EHD1: variants seen among roughly 807,000 people sequenced by gnomAD.
EHD1 encodes the protein EH domain-containing protein 1.
In EHD1, 19 loss-of-function variants were observed where a neutral mutation model predicts 39.0. The ratio of observed to expected loss-of-function variants is 0.49; its 90% CI spans 0.34 to 0.72. The LOEUF is 0.72. EHD1 is among the 30% of genes least tolerant of loss of function. The pLI, the probability that EHD1 is intolerant of heterozygous loss-of-function variation, is 0.01. For missense variants in EHD1, 542 were observed against 751.5 expected, an observed-to-expected ratio of 0.72 and a Z score of 3.26; for synonymous variants, 323 against 331.2, an observed-to-expected ratio of 0.98 and a Z score of 0.27.
intron 2 of EHD1, among the ~76,000 whole-genome samples, chr11:64,869,986 G>T (rs1299526204): frequency 6.6e-6 from 1 of 152,228 alleles, no homozygotes; most frequent in African/African-American, 2.4e-5. Context: ...ACAGCTCCCA[G>T]GCTTAGAGGG....
In EHD1 at chr11:64,853,973, A is replaced by C; in HGVS notation, c.*360T>G. ...CAGCCTAGCAGCTGCCAAAAGGGCGACCTGGCTCCCCCACGGTCGCAGTCG... is the reference window on the plus strand; with the variant it reads ...CAGCCTAGCAGCTGCCAAAAGGGCGCCCTGGCTCCCCCACGGTCGCAGTCG... On this transcript the variant is annotated 3_prime_UTR_variant, in exon 5 of 5. Transcript: ENST00000320631. The C allele has an allele frequency of 3.4e-6, 1 of 291,366 alleles. No homozygotes were observed. Among genetic ancestry groups the C allele is most frequent in the Non-Finnish European group, 6.6e-6 (1 of 152,638 alleles). 18.0% of individuals were successfully genotyped at this position (291,366 alleles called of 1,614,324 possible).
At chr11:64,867,952 C>G (rs1401866535) in intron 2 of EHD1, among the ~76,000 whole-genome samples, 2 of 152,188 alleles carry the variant, frequency 1.3e-5, no homozygotes, top group Non-Finnish European at 2.9e-5. Context: ...GCCACTGCGG[C>G]TCTGGGGCGC....
chr11:64,859,001 T>C (rs1943684422), intron 3 of EHD1, among the ~76,000 whole-genome samples: 1 of 152,226 alleles, frequency 6.6e-6, no homozygotes, highest in Non-Finnish European at 1.5e-5. Context: ...CACGAGCTGC[T>C]TCCTGTCACA....
At position 64,878,063 on chromosome 11, in the gene EHD1, G is replaced by C. The variant is rs1565726549; in HGVS notation, c.402C>G (p.Asn134Lys). ...KLNAFGNAFL[N>K]RFMCAQLPNP... ...CCCCTGGAGTGATGGGTGGGTACCT[G>C]TTGAGGAAAGCGTTGCCAAACGCGT... is the stretch of plus-strand genomic sequence containing the variant. The change falls in exon 1 of 5, where the codon AAC (asparagine) becomes AAG (lysine). Residue 134 changes from asparagine (N) to lysine (K), a missense_variant and splice_region_variant. Transcript: ENST00000320631. 9 of 1,517,492 alleles carry C rather than the reference G, an allele frequency of 5.9e-6. No homozygotes were observed. Among genetic ancestry groups the C allele is most frequent in the Non-Finnish European group, 7.0e-6 (8 of 1,137,176 alleles). The allele number at this position is 1,517,492 out of a possible 1,614,324, so 94.0% of individuals were successfully genotyped here.
At chr11:64,870,600 G>A (rs1277507653) in intron 2 of EHD1, among the ~76,000 whole-genome samples, 1 of 152,218 alleles carries the variant, frequency 6.6e-6, no homozygotes, top group Non-Finnish European at 1.5e-5. Flanking sequence ...TGGGGAGATT[G>A]AGACACAAAA....
chr11:64,874,587 G>A, intron 1 of EHD1, 69 bp from the exon 2 acceptor site: 2 of 1,295,772 alleles, frequency 1.5e-6, no homozygotes, highest in South Asian at 1.5e-5. Context: ...CACAACAAAG[G>A]GCTCTCTGTA....
intron 2 of EHD1, among the ~76,000 whole-genome samples, chr11:64,867,140 C>T (rs1943775766): frequency 1.3e-5 from 2 of 152,102 alleles, no homozygotes; most frequent in African/African-American, 4.8e-5. Context: ...AAAATGAGGC[C>T]GGGCGCAGTG....
At chr11:64,860,656 T>C (rs375825210) in intron 2 of EHD1, among the ~76,000 whole-genome samples, 1 of 148,298 alleles carries the variant, frequency 6.7e-6, no homozygotes, top group Non-Finnish European at 1.5e-5. Context: ...CAGGTGGAGG[T>C]TGTGGTGAGC....
Position 64,878,041 on chromosome 11 carries a change from C to G in EHD1, c.404+20G>C, listed in dbSNP as rs772243214. The stretch of plus-strand genomic sequence containing the variant: ...GTGCCCCGGACGCGCCCCCCGCCCC[C>G]TGGAGTGATGGGTGGGTACCTGTTG... On this transcript the variant is annotated intron_variant, in intron 1 of 4. Coordinates refer to ENST00000320631, the MANE Select transcript of EHD1 (RefSeq NM_006795.4). 6.7e-7 allele frequency: 1 copy of G among 1,494,602 alleles called. No individual in the cohort carries two copies. Among genetic ancestry groups the G allele is most frequent in the South Asian group, 1.3e-5 (1 of 74,804 alleles). The allele number at this position is 1,494,602 out of a possible 1,614,324, so 92.6% of individuals were successfully genotyped here.
At chr11:64,876,206 C>A (rs1943883758) in intron 1 of EHD1, among the ~76,000 whole-genome samples, 1 of 152,208 alleles carries the variant, frequency 6.6e-6, no homozygotes, top group Non-Finnish European at 1.5e-5. Flanking sequence ...ATTCTTAGAG[C>A]AGCCACATAG....
intron 2 of EHD1, 59 bp from the exon 3 acceptor site, chr11:64,860,395 C>G: frequency 1.3e-6 from 2 of 1,550,406 alleles, no homozygotes; most frequent in South Asian, 2.4e-5. Context: ...TCTGATGGCT[C>G]TCATCTCCAA....
intron 2 of EHD1, among the ~76,000 whole-genome samples, chr11:64,861,665 C>T (rs1225414358): frequency 6.6e-6 from 1 of 152,032 alleles, no homozygotes; most frequent in Non-Finnish European, 1.5e-5. Context: ...TTTGTATTAT[C>T]CATGGCTTCT....
At chr11:64,857,655 G>A (rs1346657474) in intron 3 of EHD1, among the ~76,000 whole-genome samples, 2 of 152,116 alleles carry the variant, frequency 1.3e-5, no homozygotes, top group East Asian at 1.9e-4. Context: ...AGACCAGGTA[G>A]CACCCACATG....
At chr11:64,864,527 G>A (rs759326637) in intron 2 of EHD1, among the ~76,000 whole-genome samples, 18 of 152,250 alleles carry the variant, frequency 1.2e-4, no homozygotes, top group Non-Finnish European at 2.4e-4. Context: ...CCCGGGGGAT[G>A]AGGCCACACT....
At chr11:64,878,888 G>A (rs1943923083), upstream of EHD1, 1 of 1,046,056 alleles carries the variant, frequency 9.6e-7, no homozygotes, top group Non-Finnish European at 1.2e-6. Context: ...CGGTTAGGAA[G>A]GCGAGGAGCG....
chr11:64,877,517 G>A (rs954513184), intron 1 of EHD1, among the ~76,000 whole-genome samples: 1 of 152,198 alleles, frequency 6.6e-6, no homozygotes, highest in Non-Finnish European at 1.5e-5. Context: ...CCTCCAAGGG[G>A]CTGCCCCAAA....
chr11:64,869,164 G>A (rs1040864873), intron 2 of EHD1, among the ~76,000 whole-genome samples: 13 of 152,262 alleles, frequency 8.5e-5, no homozygotes, highest in Non-Finnish European at 1.3e-4. Flanking sequence ...GTTTGCAGGC[G>A]CTCGGCCAGC....
chr11:64,878,623 CT>C (rs536000295), upstream of EHD1: 265 of 1,411,256 alleles, frequency 1.9e-4, 2 homozygotes, highest in African/African-American at 3.5e-3. Flanking sequence ...CTGCCGAATG[CT>C]GCGCACCCCT....
rs1943913396 is a variant in EHD1 at position 64,878,465 on chromosome 11, A to G, written c.-1T>C. 1 of 1,598,868 alleles carries G rather than the reference A, an allele frequency of 6.3e-7. No individual in the cohort carries two copies. The highest frequency in any genetic ancestry group is 2.2e-5 in the East Asian group (1 of 44,712). On this transcript the variant is annotated 5_prime_UTR_variant, in exon 1 of 5. Coordinates refer to ENST00000320631, the MANE Select transcript of EHD1 (RefSeq NM_006795.4). ...CATCCTTGCTGACCCAGCTGAACAT[A>G]CTGCCGGACACGGGGCTGGCTGCTG...
Sources: gnomAD v4.1 joint callset for allele counts (sites outside exome capture counted in the v4.1 genomes callset) on GRCh38, gnomAD v4.1.1 for gene constraint, MANE v1.5 for transcripts, NCBI Gene and HGNC (gene_info 2026-07-23, HGNC 2026-07-21) for gene names.